Variants in IPCEF1 observed in about 807,000 individuals in gnomAD.
The protein encoded by IPCEF1 is interaction protein for cytohesin exchange factors 1.
IPCEF1 carries 31 observed loss-of-function variants against 50.9 expected under a neutral mutation model. That is an observed-to-expected ratio of 0.61 (90% CI 0.46 to 0.82). The LOEUF (loss-of-function observed/expected upper bound fraction) is 0.82. Among genes scored for constraint, IPCEF1 ranks in the 40% least tolerant of loss-of-function variants. IPCEF1 has a pLI of 0.00. For missense variants in IPCEF1, 458 were observed against 514.0 expected, an observed-to-expected ratio of 0.89 and a Z score of 1.05; for synonymous variants, 181 against 192.0, an observed-to-expected ratio of 0.94 and a Z score of 0.47.
At chr6:154,253,511 T>C (rs962431826) in intron 3 of IPCEF1, among the ~76,000 whole-genome samples, 1 of 152,242 alleles carries the variant, frequency 6.6e-6, no homozygotes, top group Non-Finnish European at 1.5e-5. Context: ...AATGCCACAA[T>C]GTATCTCTAC....
intron 1 of IPCEF1, among the ~76,000 whole-genome samples, chr6:154,325,723 T>A (rs1339209714): frequency 2.0e-5 from 3 of 152,230 alleles, no homozygotes; most frequent in African/African-American, 7.2e-5. Context: ...TGACTGCAAC[T>A]TAATTAATGC....
chr6:154,194,216 G>A (rs1361528858), intron 10 of IPCEF1, among the ~76,000 whole-genome samples: 2 of 152,108 alleles, frequency 1.3e-5, no homozygotes, highest in Non-Finnish European at 2.9e-5. Context: ...CCTGACCAAC[G>A]TGGTGAAACC....
intron 1 of IPCEF1, among the ~76,000 whole-genome samples, chr6:154,299,966 T>C (rs976710532): frequency 4.3e-5 from 6 of 141,084 alleles, no homozygotes; most frequent in African/African-American, 1.5e-4. Flanking sequence ...CCGAATCATG[T>C]ATAACATTCA....
intron 3 of IPCEF1, among the ~76,000 whole-genome samples, chr6:154,251,369 A>G (rs1045918731): frequency 2.6e-5 from 4 of 152,174 alleles, no homozygotes; most frequent in Non-Finnish European, 5.9e-5. Flanking sequence ...GGACAACATA[A>G]CAAGATCCCA....
chr6:154,271,195 C>A (rs78479201), intron 2 of IPCEF1, among the ~76,000 whole-genome samples: 1 of 137,530 alleles, frequency 7.3e-6, no homozygotes, highest in Admixed American at 8.6e-5. Flanking sequence ...CCCATCTCTA[C>A]AAAAAAAAAA....
At chr6:154,210,115 G>A (rs1777846403) in intron 9 of IPCEF1, among the ~76,000 whole-genome samples, 1 of 152,148 alleles carries the variant, frequency 6.6e-6, no homozygotes, top group Admixed American at 6.5e-5. Flanking sequence ...CCTTGTCTAA[G>A]AAGGCAATTT....
chr6:154,259,871 C>T (rs1350896225), intron 3 of IPCEF1, among the ~76,000 whole-genome samples: 7 of 152,012 alleles, frequency 4.6e-5, no homozygotes, highest in East Asian at 3.9e-4. Context: ...TGAAGAGCAG[C>T]GTTGGCCCCT....
At chr6:154,205,673 G>T (rs1335822671) in intron 9 of IPCEF1, among the ~76,000 whole-genome samples, 1 of 152,172 alleles carries the variant, frequency 6.6e-6, no homozygotes, top group Non-Finnish European at 1.5e-5. Flanking sequence ...TAACTAGTTA[G>T]TGTATATGCT....
rs559686159 is a variant in IPCEF1, at chr6:154,159,673, G to A, written c.*155C>T. 3.2e-5 allele frequency: 21 copies of A among 646,412 alleles called. No homozygotes were observed. Among genetic ancestry groups the A allele is most frequent in the South Asian group, 9.1e-5 (5 of 55,152 alleles). 40.0% of individuals were successfully genotyped at this position (646,412 alleles called of 1,614,324 possible). A position where few individuals can be genotyped will look rare whatever the true frequency, so the allele number is the denominator to read the frequency against. Reference sequence around the variant, plus strand: ...TGAAATGAGGAGCCCTGGTGTATTCGGTGATTATCTTCATCTAACGTGCAT... The same window carrying A: ...TGAAATGAGGAGCCCTGGTGTATTCAGTGATTATCTTCATCTAACGTGCAT... On this transcript the variant is annotated 3_prime_UTR_variant, in exon 12 of 12. Coordinates refer to ENST00000367220, the MANE Select transcript of IPCEF1 (RefSeq NM_001130700.2).
chr6:154,176,673 C>A (rs556754648), intron 10 of IPCEF1, among the ~76,000 whole-genome samples: 1 of 152,200 alleles, frequency 6.6e-6, no homozygotes, highest in Non-Finnish European at 1.5e-5. Context: ...TAAAAGAGGT[C>A]ACAAACAAAT....
chr6:154,337,361 A>G (rs1258874677), intron 1 of IPCEF1, among the ~76,000 whole-genome samples: 1 of 152,216 alleles, frequency 6.6e-6, no homozygotes, highest in Non-Finnish European at 1.5e-5. Flanking sequence ...AAACTTCTCT[A>G]GTCTTTCCAA....
intron 1 of IPCEF1, among the ~76,000 whole-genome samples, chr6:154,306,068 C>T (rs186783771): frequency 2.6e-3 from 392 of 152,298 alleles, no homozygotes; most frequent in Non-Finnish European, 4.0e-3. Flanking sequence ...TTCATATAGA[C>T]ATATATCTTA....
chr6:154,263,884 C>G (rs1167202373), intron 3 of IPCEF1, among the ~76,000 whole-genome samples: 1 of 58,370 alleles, frequency 1.7e-5, no homozygotes, highest in African/African-American at 5.1e-5. Flanking sequence ...GCTGACCCCC[C>G]CACCTCCCTC....
At chr6:154,326,942 C>T (rs1783535960) in intron 1 of IPCEF1, among the ~76,000 whole-genome samples, 2 of 152,082 alleles carry the variant, frequency 1.3e-5, no homozygotes. Flanking sequence ...TTCGACAAAC[C>T]TGACAAAAAC....
intron 2 of IPCEF1, among the ~76,000 whole-genome samples, chr6:154,278,605 C>T (rs1339479631): frequency 6.6e-6 from 1 of 152,196 alleles, no homozygotes; most frequent in African/African-American, 2.4e-5. Flanking sequence ...CTTATTCCTA[C>T]ATCACATGCT....
intron 10 of IPCEF1, among the ~76,000 whole-genome samples, chr6:154,190,900 C>CA (rs1456728530): frequency 1.3e-5 from 2 of 152,012 alleles, no homozygotes; most frequent in East Asian, 3.9e-4. Flanking sequence ...ACTAAAAACA[C>CA]AAAAAATTAG....
At chr6:154,296,291 G>C (rs1019307123) in intron 1 of IPCEF1, among the ~76,000 whole-genome samples, 2 of 152,148 alleles carry the variant, frequency 1.3e-5, no homozygotes, top group Non-Finnish European at 2.9e-5. Context: ...GCTATAAGAA[G>C]AGGATGTAAA....
chr6:154,166,434 A>G (rs1169983217), intron 11 of IPCEF1, among the ~76,000 whole-genome samples: 1 of 152,176 alleles, frequency 6.6e-6, no homozygotes, highest in Admixed American at 6.5e-5. Flanking sequence ...TGCTTCTCCC[A>G]ACGTGGAACT....
chr6:154,354,759 C>T (rs551812984), intron 1 of IPCEF1, among the ~76,000 whole-genome samples: 17 of 152,242 alleles, frequency 1.1e-4, no homozygotes, highest in African/African-American at 4.1e-4. Context: ...CCTTCATATT[C>T]TCCTCTCCTC....
Sources: allele counts gnomAD v4.1 joint callset (sites outside exome capture counted in the v4.1 genomes callset), GRCh38; gene constraint gnomAD v4.1.1; transcripts MANE v1.5; gene names NCBI Gene and HGNC (gene_info 2026-07-23, HGNC 2026-07-21).